The following EMB variants were observed in gnomAD, a reference collection of about 807,000 sequenced individuals.
EMB encodes the protein embigin.
EMB carries 31 observed loss-of-function variants against 41.4 expected under a neutral mutation model. That is an observed-to-expected ratio of 0.75 (90% CI 0.56 to 1.01). EMB has a LOEUF of 1.01. Ranked by LOEUF, EMB falls within the 50% of genes least tolerant of loss-of-function variation. The probability of loss-of-function intolerance (pLI) is 0.00; values close to 1 mark genes in which losing one functional copy is unlikely to be tolerated. For missense variants in EMB, 379 were observed against 388.3 expected (o/e 0.98, Z 0.20); for synonymous variants, 137 against 140.4 (o/e 0.98, Z 0.17).
At chr5:50,431,237 G>A (rs1361553057) in intron 1 of EMB, among the ~76,000 whole-genome samples, 1 of 152,202 alleles carries the variant, frequency 6.6e-6, no homozygotes, top group Non-Finnish European at 1.5e-5. Flanking sequence ...GCAATATACA[G>A]AAATGCCTTA....
chr5:50,422,527 T>C (rs922653422), intron 2 of EMB, among the ~76,000 whole-genome samples: 1 of 152,182 alleles, frequency 6.6e-6, no homozygotes, highest in African/African-American at 2.4e-5. Flanking sequence ...AAAGGAGAAC[T>C]ATTCAGTTAA....
intron 3 of EMB, 79 bp downstream of exon 3, chr5:50,411,118 A>T (rs1745329175): frequency 7.5e-7 from 1 of 1,329,162 alleles, no homozygotes; most frequent in Non-Finnish European, 1.0e-6. Flanking sequence ...GCTGCAGAGG[A>T]AAGAATGCTC....
At chr5:50,435,396 G>T (rs1745787867) in intron 1 of EMB, among the ~76,000 whole-genome samples, 1 of 152,096 alleles carries the variant, frequency 6.6e-6, no homozygotes, top group African/African-American at 2.4e-5. Flanking sequence ...GGTAGCAAAA[G>T]GTTCCAGCTC....
At chr5:50,428,536 G>A in intron 1 of EMB, 5 of 1,012,104 alleles carry the variant, frequency 4.9e-6, no homozygotes, top group Non-Finnish European at 5.9e-6. Context: ...TAAATAAACT[G>A]AAGATACCAA....
At position 50,441,154 on chromosome 5, in the gene EMB, C is replaced by A. The variant is rs1245688929; in HGVS notation, c.-3G>T. 1.3e-5 allele frequency: 20 copies of A among 1,488,850 alleles called. No individual in the cohort carries two copies. Among genetic ancestry groups the A allele is most frequent in the Non-Finnish European group, 1.6e-5 (18 of 1,121,244 alleles). 92.2% of individuals were successfully genotyped at this position (1,488,850 alleles called of 1,614,324 possible). The stretch of plus-strand genomic sequence containing the variant: ...AGCAGGCCGGGGAGGGCGCGCATGG[C>A]GCCAGAGGGTCCGCCTGGGTCCTCG... On this transcript the variant is annotated 5_prime_UTR_variant, in exon 1 of 9. Transcript: ENST00000303221.
chr5:50,422,695 TA>T (rs1745544164), intron 2 of EMB, among the ~76,000 whole-genome samples: 2 of 152,062 alleles, frequency 1.3e-5, no homozygotes, highest in Admixed American at 1.3e-4. Flanking sequence ...TCTTCACAAC[TA>T]AAAAACACCA....
intron 2 of EMB, among the ~76,000 whole-genome samples, chr5:50,415,959 T>C (rs1745423536): frequency 6.6e-6 from 1 of 152,366 alleles, no homozygotes; most frequent in African/African-American, 2.4e-5. Context: ...TAGTTTTACA[T>C]AACTTAAAGT....
chr5:50,440,155 T>C (rs1745873996), intron 1 of EMB, among the ~76,000 whole-genome samples: 1 of 152,074 alleles, frequency 6.6e-6, no homozygotes, highest in South Asian at 2.1e-4. Flanking sequence ...CGGTGTAAAA[T>C]GAAGATACAC....
intron 2 of EMB, among the ~76,000 whole-genome samples, chr5:50,418,686 G>A (rs1402414460): frequency 1.3e-5 from 2 of 152,132 alleles, no homozygotes; most frequent in Non-Finnish European, 2.9e-5. Context: ...CTAGGCCCTA[G>A]TATCAAGAGT....
Position 50,402,312 on chromosome 5 carries a change from C to T in EMB, c.885G>A (p.Gly295=), listed in dbSNP as rs1304474377. 4 of 1,610,024 alleles carry T rather than the reference C, an allele frequency of 2.5e-6. No homozygotes were observed. Among genetic ancestry groups the T allele is most frequent in the Non-Finnish European group, 3.4e-6 (4 of 1,177,306 alleles). Residue 295 remains glycine, a synonymous_variant, in exon 7 of 9, where the codon GGG becomes GGA. Transcript: ENST00000303221. ...GCTGTTCAATCTGCTCAAATTCTTT[C>T]CCCTCATCTGTGTAACAAAAGAAGA... The part of the protein sequence containing the change: ...TQKKKKHSDE[G]KEFEQIEQLK...
At chr5:50,415,389 T>A (rs1745412464) in intron 2 of EMB, among the ~76,000 whole-genome samples, 1 of 152,224 alleles carries the variant, frequency 6.6e-6, no homozygotes, top group Non-Finnish European at 1.5e-5. Flanking sequence ...AGACATCAGT[T>A]TCCTTATTTG....
At chr5:50,433,098 T>C (rs746999757) in intron 1 of EMB, among the ~76,000 whole-genome samples, 38 of 151,978 alleles carry the variant, frequency 2.5e-4, no homozygotes, top group Admixed American at 7.2e-4. Flanking sequence ...ACAAAAAACT[T>C]ATAGTAATCC....
intron 1 of EMB, among the ~76,000 whole-genome samples, chr5:50,429,962 C>T (rs1745685570): frequency 1.2e-5 from 1 of 83,802 alleles, no homozygotes; most frequent in South Asian, 4.6e-4. Context: ...CCCTCCCCAA[C>T]TCTCTTTCTC....
intron 1 of EMB, among the ~76,000 whole-genome samples, chr5:50,438,339 A>G (rs1006426959): frequency 2.0e-5 from 3 of 152,218 alleles, no homozygotes; most frequent in Non-Finnish European, 2.9e-5. Flanking sequence ...CTCCAGCCTG[A>G]GCGACAGAGT....
At chr5:50,413,682 T>C (rs1745382096) in intron 2 of EMB, among the ~76,000 whole-genome samples, 1 of 151,910 alleles carries the variant, frequency 6.6e-6, no homozygotes, top group Non-Finnish European at 1.5e-5. Context: ...TTCAAGCGAT[T>C]CTCCTGCCTC....
chr5:50,402,754 A>G lies in EMB; in HGVS notation c.877+424T>C, dbSNP rs182607980. 3.2e-4 allele frequency among the ~76,000 whole-genome samples: 49 copies of G among 151,754 alleles called. 1 individual carries two copies. In the East Asian group the frequency reaches 7.0e-3, roughly 22 times the overall value. On this transcript the variant is annotated intron_variant, in intron 6 of 8. Coordinates refer to ENST00000303221, the MANE Select transcript of EMB (RefSeq NM_198449.3). ...GGTTAATAAAATATTTTTTTAAATG[A>G]TAATCTAAGTGAAAGAAAAATTGTT...
At chr5:50,421,891 G>GTT (rs1745530226) in intron 2 of EMB, among the ~76,000 whole-genome samples, 1 of 124,042 alleles carries the variant, frequency 8.1e-6, no homozygotes, top group Non-Finnish European at 1.6e-5. Flanking sequence ...ACCGGGGCCC[G>GTT]TTGTGGGGTG....
At chr5:50,427,521 T>G (rs1745639762) in intron 2 of EMB, among the ~76,000 whole-genome samples, 1 of 151,118 alleles carries the variant, frequency 6.6e-6, no homozygotes, top group African/African-American at 2.4e-5. Context: ...TTATTATTAT[T>G]ATTATTTGAC....
At chr5:50,425,374 G>A (rs1745592646) in intron 2 of EMB, among the ~76,000 whole-genome samples, 2 of 152,228 alleles carry the variant, frequency 1.3e-5, no homozygotes, top group East Asian at 3.9e-4. Flanking sequence ...GGTCAACACA[G>A]GAGAGGTGAT....
Sources: gnomAD v4.1 joint callset for allele counts (sites outside exome capture counted in the v4.1 genomes callset) on GRCh38, gnomAD v4.1.1 for gene constraint, MANE v1.5 for transcripts, NCBI Gene and HGNC (gene_info 2026-07-23, HGNC 2026-07-21) for gene names.